The following PDE10A variants were observed in gnomAD, a reference collection of about 807,000 sequenced individuals.
PDE10A encodes phosphodiesterase 10A, also known as cAMP and cAMP-inhibited cGMP 3',5'-cyclic phosphodiesterase 10A.
PDE10A carries 39 observed loss-of-function variants against 97.7 expected under a neutral mutation model. The ratio of observed to expected loss-of-function variants is 0.40; its 90% CI spans 0.31 to 0.52. The LOEUF (loss-of-function observed/expected upper bound fraction) is 0.52, where lower values mean the gene tolerates loss of function less well. Ranked by LOEUF, PDE10A falls within the 20% of genes least tolerant of loss-of-function variation. The pLI, the probability that PDE10A is intolerant of heterozygous loss-of-function variation, is 0.56. For missense variants in PDE10A, 731 were observed against 1,047.8 expected, an observed-to-expected ratio of 0.70 and a Z score of 4.17; for synonymous variants, 371 against 376.8, an observed-to-expected ratio of 0.98 and a Z score of 0.18.
intron 1 of PDE10A, among the ~76,000 whole-genome samples, chr6:165,553,873 A>C (rs1322973879): frequency 2.0e-5 from 3 of 152,214 alleles, no homozygotes; most frequent in Non-Finnish European, 4.4e-5. Context: ...TATTAAGAGT[A>C]AGCTTAAACC....
intron 1 of PDE10A, among the ~76,000 whole-genome samples, chr6:165,844,046 TC>T (rs1486519923): frequency 6.6e-6 from 1 of 152,194 alleles, no homozygotes; most frequent in African/African-American, 2.4e-5. Context: ...TGGAGCTGCC[TC>T]CCAAAGGAGG....
intron 1 of PDE10A, among the ~76,000 whole-genome samples, chr6:165,905,522 A>G (rs1349038061): frequency 6.6e-6 from 1 of 152,186 alleles, no homozygotes; most frequent in Non-Finnish European, 1.5e-5. Context: ...TATACTTGTA[A>G]GGAGTCTAAA....
intron 5 of PDE10A, among the ~76,000 whole-genome samples, chr6:165,437,701 G>A (rs1443902949): frequency 6.6e-6 from 1 of 152,196 alleles, no homozygotes; most frequent in Non-Finnish European, 1.5e-5. Context: ...AATACATTGT[G>A]ATATGAAGGC....
chr6:165,672,668 A>C (rs1177913943), intron 1 of PDE10A, among the ~76,000 whole-genome samples: 3 of 152,092 alleles, frequency 2.0e-5, no homozygotes. Context: ...CTCACACTTC[A>C]CTTGTCTGCC....
chr6:165,618,507 C>T (rs1201719240), intron 1 of PDE10A, among the ~76,000 whole-genome samples: 1 of 152,196 alleles, frequency 6.6e-6, no homozygotes, highest in East Asian at 1.9e-4. Flanking sequence ...GCCCGCCCAC[C>T]TTCAGGAGAA....
chr6:165,859,034 C>T (rs1219423672), intron 1 of PDE10A, among the ~76,000 whole-genome samples: 1 of 152,238 alleles, frequency 6.6e-6, no homozygotes, highest in Non-Finnish European at 1.5e-5. Context: ...ACTGAATTCA[C>T]AAATACTGAA....
chr6:165,621,429 C>T (rs1432254458), intron 1 of PDE10A, among the ~76,000 whole-genome samples: 5 of 152,100 alleles, frequency 3.3e-5, no homozygotes, highest in African/African-American at 1.2e-4. Flanking sequence ...ATAGGATCTC[C>T]GGCAGGCTGC....
chr6:165,747,130 A>G (rs1034974582), intron 1 of PDE10A, among the ~76,000 whole-genome samples: 3 of 152,250 alleles, frequency 2.0e-5, no homozygotes, highest in Non-Finnish European at 4.4e-5. Flanking sequence ...AGAAAAGTCC[A>G]AAACTACAAC....
intron 1 of PDE10A, among the ~76,000 whole-genome samples, chr6:165,687,869 G>A (rs149507641): frequency 1.6e-4 from 25 of 152,300 alleles, no homozygotes; most frequent in African/African-American, 6.0e-4. Context: ...GCCTGGTGAG[G>A]TGGGGCCTGG....
intron 18 of PDE10A, among the ~76,000 whole-genome samples, chr6:165,351,214 T>C (rs1000680583): frequency 6.6e-6 from 1 of 152,134 alleles, no homozygotes; most frequent in East Asian, 1.9e-4. Flanking sequence ...TAAAATATCA[T>C]AAAAAATACC....
intron 1 of PDE10A, among the ~76,000 whole-genome samples, chr6:165,841,706 C>T (rs1780266644): frequency 6.6e-6 from 1 of 152,192 alleles, no homozygotes; most frequent in South Asian, 2.1e-4. Flanking sequence ...GGGGAGAAGT[C>T]CACTGTGACA....
chr6:165,444,900 T>C (rs920195426), intron 5 of PDE10A, among the ~76,000 whole-genome samples: 3 of 152,174 alleles, frequency 2.0e-5, no homozygotes, highest in East Asian at 1.9e-4. Context: ...TAATTCTTTC[T>C]TTTTTTAACC....
chr6:165,745,186 C>T (rs371931016), intron 1 of PDE10A, among the ~76,000 whole-genome samples: 27 of 152,288 alleles, frequency 1.8e-4, no homozygotes, highest in African/African-American at 5.8e-4. Context: ...GGAAACCTCA[C>T]ATCACAGCTG....
chr6:165,914,604 C>T (rs899672946), intron 1 of PDE10A, among the ~76,000 whole-genome samples: 3 of 152,216 alleles, frequency 2.0e-5, no homozygotes, highest in African/African-American at 7.2e-5. Flanking sequence ...TTGTCACCAA[C>T]TCAGACAGAA....
At chr6:165,411,065 C>A (rs368035503) in intron 13 of PDE10A, among the ~76,000 whole-genome samples, 1 of 84,624 alleles carries the variant, frequency 1.2e-5, no homozygotes, top group African/African-American at 5.8e-5. Flanking sequence ...CCAGCCTGGG[C>A]AACAGAGCGA....
chr6:165,648,470 T>A (rs563231640), intron 1 of PDE10A, among the ~76,000 whole-genome samples: 1 of 151,690 alleles, frequency 6.6e-6, no homozygotes, highest in East Asian at 1.9e-4. Context: ...ACACGTGCCC[T>A]CTCTGAAGCT....
intron 1 of PDE10A, among the ~76,000 whole-genome samples, chr6:165,695,328 A>C (rs947413484): frequency 4.0e-5 from 6 of 150,574 alleles, no homozygotes; most frequent in African/African-American, 1.5e-4. Context: ...ATCTATCAAA[A>C]TCTGGTAGGA....
intron 1 of PDE10A, among the ~76,000 whole-genome samples, chr6:165,559,331 T>C (rs1023746451): frequency 6.6e-6 from 1 of 152,206 alleles, no homozygotes; most frequent in African/African-American, 2.4e-5. Context: ...GTGGAAGTCA[T>C]CCATTTTGAT....
chr6:165,546,778 G>T (rs1037612250), intron 1 of PDE10A, among the ~76,000 whole-genome samples: 6 of 152,106 alleles, frequency 3.9e-5, no homozygotes, highest in African/African-American at 1.4e-4. Context: ...GATCCATGTG[G>T]TAATGAATTA....
Sources: allele counts gnomAD v4.1 joint callset (sites outside exome capture counted in the v4.1 genomes callset), GRCh38; gene constraint gnomAD v4.1.1; transcripts MANE v1.5; gene names NCBI Gene and HGNC (gene_info 2026-07-23, HGNC 2026-07-21).